The following PRKAR2A variants were observed in gnomAD, a reference collection of about 807,000 sequenced individuals.
PRKAR2A encodes the protein cAMP-dependent protein kinase type II-alpha regulatory subunit.
In PRKAR2A, 29 loss-of-function variants were observed where a neutral mutation model predicts 51.9. The observed-to-expected ratio is 0.56, with a 90% CI of 0.42 to 0.76. PRKAR2A has a LOEUF of 0.76. Ranked by LOEUF, PRKAR2A falls within the 30% of genes least tolerant of loss-of-function variation. The pLI is 0.00. For missense variants in PRKAR2A, 445 were observed against 512.1 expected (o/e 0.87, Z 1.26); for synonymous variants, 178 against 186.2 (o/e 0.96, Z 0.36).
At chr3:48,809,650 G>GAT (rs1227645702) in intron 1 of PRKAR2A, among the ~76,000 whole-genome samples, 32 of 143,814 alleles carry the variant, frequency 2.2e-4, no homozygotes, top group Non-Finnish European at 4.7e-4. Context: ...CAGACTTAAT[G>GAT]TGTCAGTGCT....
At chr3:48,761,868 G>C (rs1421132845) in intron 8 of PRKAR2A, among the ~76,000 whole-genome samples, 1 of 152,100 alleles carries the variant, frequency 6.6e-6, no homozygotes, top group Non-Finnish European at 1.5e-5. Flanking sequence ...TCTGCCTCAA[G>C]CTATTCAGCC....
chr3:48,751,500 C>G lies in PRKAR2A; in HGVS notation c.*85G>C. ...AGTGGCGGCAACGGCAGGAACAGTTCTGTCATGTCTGTTTTCTGTATGTGT... is the reference window on the plus strand; with the variant it reads ...AGTGGCGGCAACGGCAGGAACAGTTGTGTCATGTCTGTTTTCTGTATGTGT... On this transcript the variant is annotated 3_prime_UTR_variant, in exon 11 of 11. Coordinates refer to ENST00000265563, the MANE Select transcript of PRKAR2A (RefSeq NM_004157.4). 6.4e-7 allele frequency: 1 copy of G among 1,568,736 alleles called. No homozygotes were observed. Among genetic ancestry groups the G allele is most frequent in the East Asian group, 2.3e-5 (1 of 43,974 alleles).
At chr3:48,791,895 C>T in intron 3 of PRKAR2A, among the ~76,000 whole-genome samples, 1 of 63,800 alleles carries the variant, frequency 1.6e-5, no homozygotes, top group East Asian at 5.5e-4. Context: ...AAGAGCGAAA[C>T]TCTGTCTCAA....
chr3:48,844,075 G>A (rs1209248105), intron 1 of PRKAR2A, among the ~76,000 whole-genome samples: 6 of 151,074 alleles, frequency 4.0e-5, no homozygotes, highest in South Asian at 2.1e-4. Flanking sequence ...GAAAATTTTC[G>A]CAACCTACTC....
At chr3:48,764,958 TC>T (rs755552094) in intron 8 of PRKAR2A, 45 bp downstream of exon 8, 5 of 1,549,300 alleles carry the variant, frequency 3.2e-6, no homozygotes, top group Non-Finnish European at 4.5e-6. Context: ...TACTAGTTCT[TC>T]AGGGGTGACT....
chr3:48,777,835 A>T (rs2107271943), intron 5 of PRKAR2A, among the ~76,000 whole-genome samples: 1 of 152,320 alleles, frequency 6.6e-6, no homozygotes, highest in South Asian at 2.1e-4. Context: ...CTTACCACTC[A>T]GTAGGGAAGC....
intron 1 of PRKAR2A, among the ~76,000 whole-genome samples, chr3:48,821,742 C>T (rs2082964610): frequency 6.7e-6 from 1 of 150,112 alleles, no homozygotes; most frequent in Non-Finnish European, 1.5e-5. Flanking sequence ...ATGGTGAAAC[C>T]CTGTCTCTAC....
In PRKAR2A at chr3:48,794,037, G is replaced by A. The variant is rs1389036041; in HGVS notation, c.311C>T (p.Thr104Ile). Residue 104 changes from threonine to isoleucine, a missense_variant, in exon 3 of 11, where the codon ACC (threonine) becomes ATC (isoleucine). By Grantham distance (89) the Thr-to-Ile change is moderately conservative (BLOSUM62 -1). Coordinates refer to ENST00000265563, the MANE Select transcript of PRKAR2A (RefSeq NM_004157.4). Reference sequence around the variant, plus strand: ...TTCCTCTTCCTCATCAGGGTTATAGGTCTCAGCACAGACTAAAATTGGAGA... The same window carrying A: ...TTCCTCTTCCTCATCAGGGTTATAGATCTCAGCACAGACTAAAATTGGAGA... ...FNRRVSVCAE[T>I]YNPDEEEEDT... 1.2e-6 allele frequency: 2 copies of A among 1,603,912 alleles called. No individual in the cohort carries two copies. The highest frequency in any genetic ancestry group is 1.7e-5 in the Admixed American group (1 of 59,670).
intron 1 of PRKAR2A, among the ~76,000 whole-genome samples, chr3:48,842,546 G>A (rs2083397523): frequency 6.6e-6 from 1 of 152,172 alleles, no homozygotes; most frequent in African/African-American, 2.4e-5. Context: ...TATTGGCTGT[G>A]GGTTTGTCAC....
chr3:48,783,791 G>C (rs1008903433), intron 4 of PRKAR2A, among the ~76,000 whole-genome samples: 2 of 152,124 alleles, frequency 1.3e-5, no homozygotes, highest in Non-Finnish European at 2.9e-5. Context: ...ATGTTGGCCA[G>C]GCTGGTCTCG....
intron 2 of PRKAR2A, among the ~76,000 whole-genome samples, chr3:48,805,003 C>T (rs1456294356): frequency 6.6e-6 from 1 of 152,024 alleles, no homozygotes; most frequent in African/African-American, 2.4e-5. Context: ...CATTGACCTC[C>T]CAGGCTCAAG....
In PRKAR2A at chr3:48,788,067, C is replaced by G. The variant is rs186132314; in HGVS notation, c.435+2477G>C. Among the ~76,000 whole-genome samples, 390 of 152,210 alleles carry G rather than the reference C, an allele frequency of 2.6e-3. 3 individuals are homozygous for G. Among genetic ancestry groups the G allele is most frequent in the African/African-American group, 8.5e-3 (354 of 41,526 alleles). On this transcript the variant is annotated intron_variant, in intron 4 of 10. Transcript: ENST00000265563. ...CTTTTTTGAGATGGAATCTCATTCT[C>G]TCGCCAAGGCTGGAGTTCAGTGGTA...
chr3:48,778,694 A>T (rs1304096461), intron 5 of PRKAR2A, among the ~76,000 whole-genome samples: 1 of 148,846 alleles, frequency 6.7e-6, no homozygotes, highest in East Asian at 2.0e-4. Context: ...TAATTTTTTT[A>T]TTTTTAGTAG....
rs765586738 is a variant in PRKAR2A, at chr3:48,752,192, T to C, written c.1065A>G (p.Gly355=). The C allele has an allele frequency of 2.5e-6, 4 of 1,613,452 alleles. No homozygotes were observed. In the Admixed American group the frequency reaches 5.0e-5, roughly 20 times the overall value. The change falls in exon 10 of 11, where the codon GGA becomes GGG. Residue 355 remains glycine, a synonymous_variant. Transcript: ENST00000265563. The part of the protein sequence containing the change: ...KPRAASAYAV[G]DVKCLVMDVQ... ...TTTTCTTACCTAAGCATTTGACATC[T>C]CCAACTGCATAAGCTGAGGCAGCTC...
At position 48,768,688 on chromosome 3, in the gene PRKAR2A, C is replaced by T. The variant is rs575052546; in HGVS notation, c.697-3339G>A. On this transcript the variant is annotated intron_variant, in intron 6 of 10. Transcript: ENST00000265563. ...ACTCCAGCCTGGGCAACAGAGACTCCGTCTCAAAATAAATAAATAAATAAA... is the reference window on the plus strand; with the variant it reads ...ACTCCAGCCTGGGCAACAGAGACTCTGTCTCAAAATAAATAAATAAATAAA... 6.6e-5 allele frequency among the ~76,000 whole-genome samples: 10 copies of T among 150,838 alleles called. 1 individual carries two copies. The highest frequency in any genetic ancestry group is 1.5e-4 in the African/African-American group (6 of 41,060).
At chr3:48,828,404 C>T (rs972905481) in intron 1 of PRKAR2A, among the ~76,000 whole-genome samples, 2 of 151,958 alleles carry the variant, frequency 1.3e-5, no homozygotes, top group African/African-American at 2.4e-5. Context: ...AATACATAAA[C>T]GCACTGTACA....
chr3:48,806,204 C>T (rs1014963178), intron 2 of PRKAR2A, among the ~76,000 whole-genome samples: 2 of 152,184 alleles, frequency 1.3e-5, no homozygotes, highest in Middle Eastern at 3.4e-3. Context: ...ATAAATGAGC[C>T]GATTTTCTCA....
intron 3 of PRKAR2A, among the ~76,000 whole-genome samples, chr3:48,791,511 C>G (rs527561239): frequency 4.7e-4 from 65 of 138,098 alleles, no homozygotes; most frequent in Non-Finnish European, 5.9e-4. Flanking sequence ...GGAGAATCGT[C>G]TGAACCAGGA....
chr3:48,813,476 C>T (rs1380723089), intron 1 of PRKAR2A, among the ~76,000 whole-genome samples: 1 of 151,878 alleles, frequency 6.6e-6, no homozygotes, highest in Non-Finnish European at 1.5e-5. Flanking sequence ...CGGCGGATCA[C>T]GAGGTCAGGA....
Sources: gnomAD v4.1 joint callset for allele counts (sites outside exome capture counted in the v4.1 genomes callset) on GRCh38, gnomAD v4.1.1 for gene constraint, MANE v1.5 for transcripts, NCBI Gene and HGNC (gene_info 2026-07-23, HGNC 2026-07-21) for gene names.